Variants in UTP4 observed in about 807,000 individuals in gnomAD.
UTP4 encodes the protein UTP4 small subunit processome component, also known as U3 small nucleolar RNA-associated protein 4 homolog.
In UTP4, 45 loss-of-function variants were observed where a neutral mutation model predicts 82.4. The ratio of observed to expected loss-of-function variants is 0.55; its 90% CI spans 0.43 to 0.70. The LOEUF is 0.70. UTP4 is among the 30% of genes least tolerant of loss of function. The probability of loss-of-function intolerance (pLI) is 0.00; values close to 1 mark genes in which losing one functional copy is unlikely to be tolerated. For missense variants in UTP4, 819 were observed against 858.3 expected (o/e 0.95, Z 0.57); for synonymous variants, 348 against 300.3 (o/e 1.16, Z -1.64).
chr16:69,137,722 TGGG>T (rs989237106), intron 3 of UTP4, 76 bp from the exon 4 acceptor site: 21 of 807,146 alleles, frequency 2.6e-5, no homozygotes, highest in Admixed American at 2.1e-4. Context: ...GAGTGTGTGT[TGGG>T]GGGTGTGTGT....
At chr16:69,138,945 T>C (rs891010580) in intron 4 of UTP4, 1 of 151,504 alleles carries the variant, frequency 6.6e-6, no homozygotes, top group Non-Finnish European at 1.5e-5. Flanking sequence ...GTTTTTAATA[T>C]ATCTTGGGTG....
chr16:69,154,935 G>A (rs896410110), intron 10 of UTP4, among the ~76,000 whole-genome samples: 16 of 152,104 alleles, frequency 1.1e-4, no homozygotes, highest in East Asian at 7.8e-4. Flanking sequence ...GGTCAGGCTG[G>A]TCTTGAACTC....
chr16:69,155,292 C>A (rs1399254822), intron 10 of UTP4, among the ~76,000 whole-genome samples: 1 of 152,024 alleles, frequency 6.6e-6, no homozygotes, highest in East Asian at 2.0e-4. Flanking sequence ...TACCACTTCA[C>A]CCTCCCAGGT....
At chr16:69,150,511 A>T in intron 6 of UTP4, 26 bp from the exon 7 acceptor site, 14 of 1,429,864 alleles carry the variant, frequency 9.8e-6, no homozygotes, top group Non-Finnish European at 1.3e-5. Flanking sequence ...GCTTACGTGT[A>T]CCTCCCTCAT....
chr16:69,142,925 AC>A (rs1963001363), intron 5 of UTP4, among the ~76,000 whole-genome samples: 1 of 151,954 alleles, frequency 6.6e-6, no homozygotes, highest in African/African-American at 2.4e-5. Flanking sequence ...TCTTCAGGTA[AC>A]CATTTTGGAG....
chr16:69,136,532 A>G, intron 2 of UTP4, 164 bp from the exon 3 acceptor site: 1 of 731,166 alleles, frequency 1.4e-6, no homozygotes, highest in South Asian at 1.5e-5. Flanking sequence ...AGTAATTAGA[A>G]TTTGAGCTGA....
chr16:69,137,288 G>A (rs532113778), intron 3 of UTP4, among the ~76,000 whole-genome samples: 54 of 152,278 alleles, frequency 3.5e-4, no homozygotes, highest in African/African-American at 1.2e-3. Context: ...AAGTTAACCT[G>A]TGCACTTGTG....
intron 14 of UTP4, among the ~76,000 whole-genome samples, chr16:69,164,536 T>C (rs954150687): frequency 1.3e-5 from 2 of 149,594 alleles, no homozygotes; most frequent in Non-Finnish European, 3.0e-5. Flanking sequence ...CCTTAAAAAT[T>C]TTAAAGTCCA....
chr16:69,155,763 A>G (rs995788644), intron 10 of UTP4, 108 bp from the exon 11 acceptor site: 16 of 1,121,816 alleles, frequency 1.4e-5, no homozygotes, highest in Admixed American at 8.4e-5. Flanking sequence ...TTATGTGTAG[A>G]TATCTGTGGG....
intron 12 of UTP4, among the ~76,000 whole-genome samples, chr16:69,159,341 A>G (rs928358825): frequency 6.6e-6 from 1 of 151,730 alleles, no homozygotes; most frequent in Non-Finnish European, 1.5e-5. Flanking sequence ...TCTGCCTCCC[A>G]AAGTGCTGGG....
chr16:69,168,300 G>A (rs901855268), intron 16 of UTP4, among the ~76,000 whole-genome samples: 6 of 152,082 alleles, frequency 3.9e-5, no homozygotes, highest in Non-Finnish European at 5.9e-5. Flanking sequence ...GCCGGGCGTG[G>A]TGGTGGGCAC....
At chr16:69,143,510 T>C (rs1003427924) in intron 6 of UTP4, 121 bp downstream of exon 6, 3 of 894,576 alleles carry the variant, frequency 3.4e-6, no homozygotes, top group African/African-American at 1.6e-5. Flanking sequence ...TGGAGGAAGA[T>C]GAGTTTAGGA....
intron 12 of UTP4, among the ~76,000 whole-genome samples, chr16:69,158,161 CTTTT>C (rs34392768): frequency 4.9e-5 from 2 of 40,444 alleles, no homozygotes; most frequent in East Asian, 8.0e-4. Context: ...AAAGTCAACT[CTTTT>C]TTTTTTTTTT....
intron 8 of UTP4, 98 bp downstream of exon 8, chr16:69,151,002 T>C (rs1963248199): frequency 1.1e-6 from 1 of 935,974 alleles, no homozygotes; most frequent in East Asian, 2.5e-5. Flanking sequence ...TCGGCAAATT[T>C]GTAGGACTTT....
chr16:69,137,352 A>G (rs986276374), intron 3 of UTP4, among the ~76,000 whole-genome samples: 66 of 152,272 alleles, frequency 4.3e-4, no homozygotes, highest in Admixed American at 1.3e-3. Flanking sequence ...CCTTCCCATA[A>G]TTACCATTAG....
intron 12 of UTP4, among the ~76,000 whole-genome samples, chr16:69,158,161 CTTTTTTTTTTT>C (rs34392768): frequency 3.1e-3 from 124 of 40,436 alleles, no homozygotes; most frequent in African/African-American, 0.011. Context: ...AAAGTCAACT[CTTTTTTTTTTT>C]TTTTTTTTTT....
chr16:69,158,492 A>C (rs1963481337), intron 12 of UTP4, among the ~76,000 whole-genome samples: 1 of 151,786 alleles, frequency 6.6e-6, no homozygotes, highest in Admixed American at 6.6e-5. Flanking sequence ...TTCAACTCTC[A>C]CTGTTCATAA....
chr16:69,164,776 C>T (rs1260878730), intron 14 of UTP4, among the ~76,000 whole-genome samples: 1 of 151,868 alleles, frequency 6.6e-6, no homozygotes, highest in South Asian at 2.1e-4. Context: ...AATGAGTGGA[C>T]TATTCTGTGT....
intron 12 of UTP4, among the ~76,000 whole-genome samples, chr16:69,158,161 CTTTTTTTT>C (rs34392768): frequency 4.7e-4 from 19 of 40,446 alleles, no homozygotes; most frequent in African/African-American, 6.2e-4. Context: ...AAAGTCAACT[CTTTTTTTT>C]TTTTTTTTTT....
Sources: allele counts gnomAD v4.1 joint callset (sites outside exome capture counted in the v4.1 genomes callset), GRCh38; gene constraint gnomAD v4.1.1; transcripts MANE v1.5; gene names NCBI Gene and HGNC (gene_info 2026-07-23, HGNC 2026-07-21).